Variants in PLPPR1 observed in about 807,000 individuals in gnomAD.
PLPPR1 encodes phospholipid phosphatase-related protein type 1.
In PLPPR1, 10 loss-of-function variants were observed where a neutral mutation model predicts 33.1. The observed-to-expected ratio is 0.30, with a 90% confidence interval of 0.19 to 0.51. The LOEUF is 0.51. Among genes scored for constraint, PLPPR1 ranks in the 20% least tolerant of loss-of-function variants. The probability of loss-of-function intolerance (pLI) is 0.97; values close to 1 mark genes in which losing one functional copy is unlikely to be tolerated. For missense variants in PLPPR1, 304 were observed against 408.1 expected (o/e 0.74, Z 2.20); for synonymous variants, 151 against 151.0 (o/e 1.00, Z 0.00).
At chr9:101,321,351 C>G (rs540388646) in intron 7 of PLPPR1, among the ~76,000 whole-genome samples, 1 of 152,110 alleles carries the variant, frequency 6.6e-6, no homozygotes, top group Admixed American at 6.5e-5. Context: ...TAAAACATTA[C>G]CTCAAATTTG....
chr9:101,288,993 C>T (rs1481055219), intron 4 of PLPPR1, among the ~76,000 whole-genome samples: 2 of 152,172 alleles, frequency 1.3e-5, no homozygotes, highest in Non-Finnish European at 2.9e-5. Context: ...GTGTCCTTAA[C>T]ATAGCCTACA....
chr9:101,160,492 T>C (rs1310797951), intron 1 of PLPPR1, among the ~76,000 whole-genome samples: 1 of 152,158 alleles, frequency 6.6e-6, no homozygotes, highest in African/African-American at 2.4e-5. Context: ...GGGAAATCAA[T>C]TTTTGGGGGA....
chr9:101,279,989 A>T (rs1395529177), intron 3 of PLPPR1, among the ~76,000 whole-genome samples: 1 of 152,156 alleles, frequency 6.6e-6, no homozygotes, highest in Non-Finnish European at 1.5e-5. Context: ...ATAAAACAAT[A>T]CAAAAGATCG....
intron 1 of PLPPR1, among the ~76,000 whole-genome samples, chr9:101,122,990 C>A (rs547078133): frequency 6.6e-6 from 1 of 152,186 alleles, no homozygotes; most frequent in Non-Finnish European, 1.5e-5. Context: ...AAGCACTCTT[C>A]CCTTAGACCT....
intron 1 of PLPPR1, among the ~76,000 whole-genome samples, chr9:101,032,393 C>A (rs1014664047): frequency 6.6e-6 from 1 of 152,056 alleles, no homozygotes; most frequent in Non-Finnish European, 1.5e-5. Context: ...AGGGTGGTGG[C>A]AGTAGGGGTG....
intron 1 of PLPPR1, among the ~76,000 whole-genome samples, chr9:101,060,353 A>G (rs1313901174): frequency 6.6e-6 from 1 of 152,028 alleles, no homozygotes. Flanking sequence ...AAAGAACACA[A>G]AATTTCAGTT....
At position 101,324,239 on chromosome 9, in the gene PLPPR1, T is replaced by G; in HGVS notation, c.*182T>G. ...GCTTGCCCTGATTTTTTTTTTTTTT[T>G]TTTGGTCAGCTTTAATATATTTATG... On this transcript the variant is annotated 3_prime_UTR_variant, in exon 8 of 8. Transcript: ENST00000374874. The G allele has an allele frequency of 4.2e-6, 2 of 477,464 alleles. 1 individual carries two copies. The highest frequency in any genetic ancestry group is 7.3e-6 in the Non-Finnish European group (2 of 275,582). The allele number at this position is 477,464 out of a possible 1,614,324, so 29.6% of individuals were successfully genotyped here.
chr9:101,196,842 G>A (rs1365968677), intron 2 of PLPPR1, among the ~76,000 whole-genome samples: 1 of 151,538 alleles, frequency 6.6e-6, no homozygotes, highest in Non-Finnish European at 1.5e-5. Context: ...TCCAGCCTGG[G>A]CGACAGAGCA....
chr9:101,160,600 T>C (rs936033594), intron 1 of PLPPR1, among the ~76,000 whole-genome samples: 3 of 152,118 alleles, frequency 2.0e-5, no homozygotes, highest in African/African-American at 7.2e-5. Context: ...CCTTAAAGGG[T>C]GTTAAAATAA....
intron 2 of PLPPR1, among the ~76,000 whole-genome samples, chr9:101,223,843 TACAAATATATATATATGAA>T (rs1351414922): frequency 6.6e-6 from 1 of 152,104 alleles, no homozygotes; most frequent in Non-Finnish European, 1.5e-5. Flanking sequence ...AACAAACCAA[TACAAATATATATATATGAA>T]GTACATATAT....
At chr9:101,161,639 T>G (rs1221976225) in intron 1 of PLPPR1, among the ~76,000 whole-genome samples, 2 of 152,158 alleles carry the variant, frequency 1.3e-5, no homozygotes, top group Non-Finnish European at 2.9e-5. Flanking sequence ...AGTTTCACTC[T>G]GCCTACCTCA....
chr9:101,082,091 G>C (rs1830626068), intron 1 of PLPPR1, among the ~76,000 whole-genome samples: 1 of 152,212 alleles, frequency 6.6e-6, no homozygotes, highest in Non-Finnish European at 1.5e-5. Flanking sequence ...GGAGGATGTA[G>C]TGGCTGTCAG....
chr9:101,108,343 T>G (rs1045643875), intron 1 of PLPPR1, among the ~76,000 whole-genome samples: 3 of 152,258 alleles, frequency 2.0e-5, no homozygotes, highest in Non-Finnish European at 4.4e-5. Context: ...GCAAGGCTTA[T>G]TCTACTTCGT....
At chr9:101,219,344 T>C (rs1426383835) in intron 2 of PLPPR1, among the ~76,000 whole-genome samples, 5 of 152,168 alleles carry the variant, frequency 3.3e-5, no homozygotes. Flanking sequence ...AAAAGAAGCA[T>C]TTAATGCTGA....
At chr9:101,233,588 G>C (rs1263777592) in intron 2 of PLPPR1, among the ~76,000 whole-genome samples, 1 of 151,930 alleles carries the variant, frequency 6.6e-6, no homozygotes, top group Non-Finnish European at 1.5e-5. Context: ...CCACCTTCAT[G>C]GGTGGGATTG....
At chr9:101,219,180 C>T (rs1448175783) in intron 2 of PLPPR1, among the ~76,000 whole-genome samples, 1 of 152,130 alleles carries the variant, frequency 6.6e-6, no homozygotes, top group African/African-American at 2.4e-5. Context: ...TTGCCTTTGT[C>T]CTCACCTCTC....
intron 2 of PLPPR1, among the ~76,000 whole-genome samples, chr9:101,240,862 C>A (rs1011468013): frequency 1.3e-5 from 2 of 152,034 alleles, no homozygotes; most frequent in African/African-American, 4.8e-5. Flanking sequence ...AATCAGGATC[C>A]TGGTGCTTTC....
At chr9:101,053,106 A>G (rs748129915) in intron 1 of PLPPR1, among the ~76,000 whole-genome samples, 1 of 152,186 alleles carries the variant, frequency 6.6e-6, no homozygotes, top group Non-Finnish European at 1.5e-5. Context: ...GCCTGATGAC[A>G]TCTCAACTTG....
intron 2 of PLPPR1, among the ~76,000 whole-genome samples, chr9:101,186,242 T>G (rs1826201066): frequency 1.3e-5 from 2 of 151,880 alleles, no homozygotes; most frequent in African/African-American, 2.4e-5. Flanking sequence ...AAAACTGCTT[T>G]CTAGGTTATC....
Sources: allele counts gnomAD v4.1 joint callset (sites outside exome capture counted in the v4.1 genomes callset), GRCh38; gene constraint gnomAD v4.1.1; transcripts MANE v1.5; gene names NCBI Gene and HGNC (gene_info 2026-07-23, HGNC 2026-07-21).